The following EXOC4 variants were observed in gnomAD, a reference collection of about 807,000 sequenced individuals.
EXOC4 encodes the protein SEC8-like 1.
In EXOC4, 71 loss-of-function variants were observed where a neutral mutation model predicts 107.2. The observed-to-expected ratio is 0.66, with a 90% confidence interval of 0.55 to 0.81. The LOEUF is 0.81. Ranked by LOEUF, EXOC4 falls within the 30% of genes least tolerant of loss-of-function variation. The pLI is 0.00. For synonymous variants in EXOC4, 456 were observed against 441.2 expected, an observed-to-expected ratio of 1.03 and a Z score of -0.42; for missense variants, 1,108 against 1,189.6, an observed-to-expected ratio of 0.93 and a Z score of 1.01.
intron 10 of EXOC4, among the ~76,000 whole-genome samples, chr7:133,678,072 C>T (rs1024246495): frequency 6.6e-5 from 10 of 152,064 alleles, no homozygotes; most frequent in Admixed American, 3.3e-4. Context: ...TAAATTATAT[C>T]GCAGTAAAGC....
At chr7:134,081,083 C>T in the EXOC4 span, among the ~76,000 whole-genome samples, 3 of 152,156 alleles carry the variant, frequency 2.0e-5, no homozygotes, top group African/African-American at 7.2e-5. Flanking sequence ...TGGCTCATGC[C>T]TGTAATCCTA....
chr7:133,558,211 C>CTTTTCTTTTT (rs1554471711), intron 9 of EXOC4, among the ~76,000 whole-genome samples: 248 of 139,338 alleles, frequency 1.8e-3, no homozygotes, highest in Middle Eastern at 7.0e-3. Context: ...CTTTTCTTTT[C>CTTTTCTTTTT]TTTTCTTTTC....
intron 10 of EXOC4, among the ~76,000 whole-genome samples, chr7:133,634,733 C>T (rs1297254485): frequency 2.0e-5 from 3 of 152,262 alleles, no homozygotes; most frequent in East Asian, 3.9e-4. Context: ...CCGCCCGCCT[C>T]GGCCTCCCAA....
chr7:133,487,112 C>A (rs1485803553), intron 9 of EXOC4, among the ~76,000 whole-genome samples: 1 of 152,038 alleles, frequency 6.6e-6, no homozygotes, highest in Non-Finnish European at 1.5e-5. Context: ...AGTAGACAAA[C>A]CATGCATAGC....
intron 9 of EXOC4, among the ~76,000 whole-genome samples, chr7:133,607,203 T>A (rs183258730): frequency 1.3e-5 from 2 of 152,296 alleles, no homozygotes; most frequent in Non-Finnish European, 2.9e-5. Context: ...CCCTGATTTT[T>A]AAAAAATGCA....
intron 7 of EXOC4, among the ~76,000 whole-genome samples, chr7:133,386,900 A>G (rs1262328652): frequency 1.3e-5 from 2 of 152,158 alleles, no homozygotes; most frequent in Non-Finnish European, 2.9e-5. Flanking sequence ...ATAAACACCA[A>G]TGCAGAAGTC....
At chr7:133,677,126 A>G (rs1286940902) in intron 10 of EXOC4, among the ~76,000 whole-genome samples, 1 of 152,144 alleles carries the variant, frequency 6.6e-6, no homozygotes, top group Non-Finnish European at 1.5e-5. Context: ...ATACATGAGA[A>G]AAAACTTAGT....
At chr7:133,383,143 A>G (rs1297077482) in intron 7 of EXOC4, among the ~76,000 whole-genome samples, 1 of 152,188 alleles carries the variant, frequency 6.6e-6, no homozygotes, top group Non-Finnish European at 1.5e-5. Flanking sequence ...GTGTGTTTTC[A>G]AGTGTATAAA....
chr7:133,918,646 TTTAC>T (rs1799866316), intron 13 of EXOC4, among the ~76,000 whole-genome samples: 1 of 152,230 alleles, frequency 6.6e-6, no homozygotes, highest in African/African-American at 2.4e-5. Context: ...ATTTAAATTA[TTTAC>T]TTAGCCATGA....
At chr7:133,877,316 G>A (rs1186261445) in intron 11 of EXOC4, among the ~76,000 whole-genome samples, 3 of 151,974 alleles carry the variant, frequency 2.0e-5, no homozygotes, top group Non-Finnish European at 4.4e-5. Flanking sequence ...ATTTCCATAT[G>A]CCTGGTAATG....
In EXOC4 at chr7:133,857,754, A is replaced by G. The variant is rs78792788; in HGVS notation, c.1735-37845A>G. Among the ~76,000 whole-genome samples, 455 of 152,154 alleles carry G rather than the reference A, an allele frequency of 3.0e-3. 5 individuals are homozygous for G. The highest frequency in any genetic ancestry group is 0.011 in the African/African-American group (444 of 41,534). On this transcript the variant is annotated intron_variant, in intron 11 of 17. Transcript: ENST00000253861. ...GGGTGCCAGCATCTGGATGAGGGGA[A>G]TGTGGTGACATCTGAAAACTCGGAG...
intron 9 of EXOC4, among the ~76,000 whole-genome samples, chr7:133,569,854 T>C (rs1478473511): frequency 6.6e-6 from 1 of 152,222 alleles, no homozygotes; most frequent in East Asian, 1.9e-4. Context: ...CTAGAGATTC[T>C]GTATTTTACA....
the EXOC4 span, among the ~76,000 whole-genome samples, chr7:134,092,505 T>C: frequency 1.1e-4 from 16 of 150,516 alleles, no homozygotes; most frequent in Non-Finnish European, 1.9e-4. Flanking sequence ...ATAAGAATAA[T>C]ATCTACTCAG....
chr7:133,341,302 A>G (rs921261344), intron 5 of EXOC4, among the ~76,000 whole-genome samples: 1 of 152,214 alleles, frequency 6.6e-6, no homozygotes. Flanking sequence ...AAGACCATTC[A>G]GGAGCAGGTT....
intron 14 of EXOC4, among the ~76,000 whole-genome samples, chr7:133,957,497 G>C (rs1800844023): frequency 1.3e-5 from 2 of 152,306 alleles, no homozygotes; most frequent in Middle Eastern, 3.4e-3. Context: ...TTTCCTGATA[G>C]AGTCTAAGGA....
In EXOC4 at chr7:133,937,963, C is replaced by T. The variant is rs143287065; in HGVS notation, c.2100C>T (p.Ile700=). 5.0e-6 allele frequency: 8 copies of T among 1,614,020 alleles called. No individual in the cohort carries two copies. The African/African-American group carries it at 1.1e-4, about 22-fold the overall frequency. ...LGDKLIPPQD[I]LRDVSDLKAL... Reference sequence around the variant, plus strand: ...ATAAATTAATCCCTCCACAAGACATCCTTCGTGACGTCAGTGACCTCAAAG... The same window carrying T: ...ATAAATTAATCCCTCCACAAGACATTCTTCGTGACGTCAGTGACCTCAAAG... The change falls in exon 14 of 18, where the codon ATC becomes ATT. Residue 700 remains isoleucine, a synonymous_variant. Coordinates refer to ENST00000253861, the MANE Select transcript of EXOC4 (RefSeq NM_021807.4).
intron 3 of EXOC4, chr7:133,291,039 T>A (rs991026628): frequency 6.6e-6 from 1 of 152,152 alleles, no homozygotes; most frequent in Admixed American, 6.5e-5. Context: ...TAATCTTTTT[T>A]TTTTTCATAA....
rs532803798 is a variant in EXOC4, at chr7:134,029,980, C to G, written c.2687+22145C>G. On this transcript the variant is annotated intron_variant, in intron 17 of 17. Coordinates refer to ENST00000253861, the MANE Select transcript of EXOC4 (RefSeq NM_021807.4). Reference sequence around the variant, plus strand: ...TCTGGAACGTTTCCTAAAGAAGTCACTTGCTTGAGGTTATAACAGATTGGC... The same window carrying G: ...TCTGGAACGTTTCCTAAAGAAGTCAGTTGCTTGAGGTTATAACAGATTGGC... Among the ~76,000 whole-genome samples the G allele has an allele frequency of 3.2e-4, 48 of 152,324 alleles. 1 individual carries two copies. Among genetic ancestry groups the G allele is most frequent in the Admixed American group, 3.0e-3 (46 of 15,306 alleles).
intron 10 of EXOC4, among the ~76,000 whole-genome samples, chr7:133,672,782 TG>T (rs1793975861): frequency 6.6e-6 from 1 of 152,194 alleles, no homozygotes; most frequent in Non-Finnish European, 1.5e-5. Flanking sequence ...GTATAAATGC[TG>T]TTGATCTGTT....
Sources: gnomAD v4.1 joint callset for allele counts (sites outside exome capture counted in the v4.1 genomes callset) on GRCh38, gnomAD v4.1.1 for gene constraint, MANE v1.5 for transcripts, NCBI Gene and HGNC (gene_info 2026-07-23, HGNC 2026-07-21) for gene names.